Variants in DMBT1 observed in about 807,000 individuals in gnomAD.
DMBT1 encodes deleted in malignant brain tumors 1.
A neutral mutation model predicts 252.9 loss-of-function variants in DMBT1; 198 were observed. That is an observed-to-expected ratio of 0.78 (90% CI 0.70 to 0.88). The LOEUF (loss-of-function observed/expected upper bound fraction) is 0.88. DMBT1 is among the 40% of genes least tolerant of loss of function. The pLI is 0.00. For synonymous variants in DMBT1, 990 were observed against 942.7 expected, an observed-to-expected ratio of 1.05 and a Z score of -0.92; for missense variants, 2,432 against 2,404.7, an observed-to-expected ratio of 1.01 and a Z score of -0.24.
At chr10:122,618,540 C>T (rs547151999) in intron 41 of DMBT1, among the ~76,000 whole-genome samples, 200 bp downstream of exon 41, 28 of 152,278 alleles carry the variant, frequency 1.8e-4, no homozygotes, top group South Asian at 6.2e-4. Context: ...GCCAGGGCTC[C>T]GAACTGAAAC....
At position 122,619,336 on chromosome 10, in the gene DMBT1, A is replaced by G; in HGVS notation, c.5244A>G (p.Pro1748=). The G allele has an allele frequency of 6.2e-7, 1 of 1,614,008 alleles. No individual in the cohort carries two copies. Among genetic ancestry groups the G allele is most frequent in the East Asian group, 2.2e-5 (1 of 44,882 alleles). The change falls in exon 42 of 56, where the codon CCA becomes CCG. Residue 1748 remains proline (P), a splice_region_variant and synonymous_variant. Coordinates refer to ENST00000338354, the MANE Select transcript of DMBT1 (RefSeq NM_001377530.1). ...CTCAGTCCCAGTCAACGCCCAGGCC[A>G]GGTGAGTCCCCAGCATCCTTCATCG... is the stretch of plus-strand genomic sequence containing the variant. The part of the protein sequence containing the change: ...SAAQSQSTPR[P]DTWLTTNLPA...
intron 7 of DMBT1, 137 bp from the exon 8 acceptor site, chr10:122,577,674 G>A: frequency 1.1e-6 from 1 of 904,952 alleles, no homozygotes; most frequent in Non-Finnish European, 1.7e-6. Context: ...GCTTCACGGT[G>A]GGCACTGGCA....
rs1191323142 is a variant in DMBT1 at position 122,600,042 on chromosome 10, CCTT to C, written c.3281-19_3281-17del. ...CTTCTGTGTAATGTTCCTGATCTGA[CCTT>C]CTCTTCTCTTTCTCACAGCTTCCCA... On this transcript the variant is annotated intron_variant, in intron 26 of 55. Coordinates refer to ENST00000338354, the MANE Select transcript of DMBT1 (RefSeq NM_001377530.1). 1 of 1,607,664 alleles carries C rather than the reference CCTT, an allele frequency of 6.2e-7. No individual in the cohort carries two copies. The highest frequency in any genetic ancestry group is 1.7e-5 in the Admixed American group (1 of 58,766).
intron 1 of DMBT1, among the ~76,000 whole-genome samples, chr10:122,563,034 C>T (rs1425413187): frequency 1.3e-5 from 2 of 152,232 alleles, no homozygotes; most frequent in Non-Finnish European, 2.9e-5. Flanking sequence ...ATGAACTGAA[C>T]TGTGGCATCT....
Position 122,592,880 on chromosome 10 carries a change from T to C in DMBT1, c.2500+285T>C, listed in dbSNP as rs970769469. ...AGAGAAAACTGCTGGCTCCCCAGGG[T>C]TCCATTTCTCCTCAGCTGAGTAGCA... On this transcript the variant is annotated intron_variant, in intron 20 of 55. Coordinates refer to ENST00000338354, the MANE Select transcript of DMBT1 (RefSeq NM_001377530.1). 1.0e-4 allele frequency among the ~76,000 whole-genome samples: 15 copies of C among 148,130 alleles called. 1 individual carries two copies. The highest frequency in any genetic ancestry group is 2.9e-4 in the African/African-American group (12 of 41,010).
At chr10:122,580,736 G>A (rs1002328578) in intron 10 of DMBT1, 130 bp from the exon 11 acceptor site, 1 of 1,337,604 alleles carries the variant, frequency 7.5e-7, no homozygotes. Context: ...GCATGGCAAT[G>A]TCCCTCCCTG....
At chr10:122,638,065 C>A (rs1311543538) in intron 54 of DMBT1, among the ~76,000 whole-genome samples, 1 of 152,200 alleles carries the variant, frequency 6.6e-6, no homozygotes, top group Non-Finnish European at 1.5e-5. Flanking sequence ...CCAGGAAACC[C>A]CTCACTCCCA....
intron 43 of DMBT1, among the ~76,000 whole-genome samples, chr10:122,620,654 A>G (rs2098057418): frequency 1.3e-5 from 2 of 152,190 alleles, no homozygotes; most frequent in African/African-American, 4.8e-5. Context: ...CTGTCTGGCC[A>G]ATGTCCTACC....
chr10:122,565,158 T>C (rs1369441492), intron 1 of DMBT1, among the ~76,000 whole-genome samples: 1 of 152,220 alleles, frequency 6.6e-6, no homozygotes, highest in Non-Finnish European at 1.5e-5. Flanking sequence ...TATTTAATAA[T>C]TGATGAATAA....
Position 122,570,273 on chromosome 10 carries a change from T to A in DMBT1, c.139+64T>A. The A allele has an allele frequency of 3.8e-6, 5 of 1,319,866 alleles. No homozygotes were observed. In the Admixed American group the frequency reaches 8.5e-5, roughly 22 times the overall value. The allele number at this position is 1,319,866 out of a possible 1,614,324, so 81.8% of individuals were successfully genotyped here. A position where few individuals can be genotyped will look rare whatever the true frequency, so the allele number is the denominator to read the frequency against. On this transcript the variant is annotated intron_variant, in intron 3 of 55. Transcript: ENST00000338354. ...CCCACTGCACCCCTAGGTTCATCTC[T>A]GATCCAGAAGAGATGCAGAAGCCAT...
rs2098037601 is a variant in DMBT1 at position 122,619,313 on chromosome 10, C to T, written c.5221C>T (p.Gln1741Ter). The change falls in exon 42 of 56, where the codon CAG (glutamine) becomes TAG (stop). Residue 1741 changes from glutamine to a stop codon, truncating the protein, a stop_gained. Coordinates refer to ENST00000338354, the MANE Select transcript of DMBT1 (RefSeq NM_001377530.1). LOFTEE classifies it high-confidence loss of function. ...EDAGVICSAA[Q>*]SQSTPRPDTW... ...TTCTCTTCTCTTTCTCACAGCTGCT[C>T]AGTCCCAGTCAACGCCCAGGCCAGG... 1 of 1,613,982 alleles carries T rather than the reference C, an allele frequency of 6.2e-7. No individual in the cohort carries two copies.
chr10:122,591,550 A>G (rs1340211395), intron 19 of DMBT1, 33 bp downstream of exon 19: 4 of 1,561,784 alleles, frequency 2.6e-6, no homozygotes, highest in Non-Finnish European at 3.5e-6. Flanking sequence ...CCTAGGGCTC[A>G]CTCTCTACCT....
chr10:122,620,425 A>T, intron 43 of DMBT1, 134 bp downstream of exon 43: 2 of 1,034,650 alleles, frequency 1.9e-6, no homozygotes, highest in Non-Finnish European at 1.4e-6. Context: ...GGGGAGGTAG[A>T]CTCCCTGGGA....
At chr10:122,599,331 A>G (rs2097916673) in intron 26 of DMBT1, among the ~76,000 whole-genome samples, 1 of 152,174 alleles carries the variant, frequency 6.6e-6, no homozygotes. Context: ...TCCTGAGGGA[A>G]GGCAAGGAAG....
rs746567266 is a variant in DMBT1, at chr10:122,589,259, T to C, written c.2099T>C (p.Ile700Thr). 1.9e-5 allele frequency: 30 copies of C among 1,588,448 alleles called. 4 individuals are homozygous for C. Among genetic ancestry groups the C allele is most frequent in the Middle Eastern group, 3.3e-4 (2 of 6,044 alleles). Reference protein sequence around the residue: ...NCGHHEDAGVICSAAQSRSTP... With the variant: ...NCGHHEDAGVTCSAAQSRSTP... ...GGCCATCATGAAGATGCTGGTGTCA[T>C]CTGCTCAGGTGGGCCTCCAGCAATT... Residue 700 changes from isoleucine to threonine, a missense_variant, in exon 17 of 56, where the codon ATC becomes ACC. Transcript: ENST00000338354.
chr10:122,592,110 C>A (rs1211275117), intron 19 of DMBT1, among the ~76,000 whole-genome samples, 162 bp from the exon 20 acceptor site: 2 of 148,546 alleles, frequency 1.3e-5, no homozygotes, highest in African/African-American at 4.9e-5. Context: ...TATCACCTCT[C>A]CTTCCAGTAT....
chr10:122,584,963 G>C (rs927908421), intron 14 of DMBT1, among the ~76,000 whole-genome samples: 1 of 149,074 alleles, frequency 6.7e-6, no homozygotes, highest in Non-Finnish European at 1.5e-5. Context: ...AGCTAGTAGA[G>C]TGTCAGCAAT....
chr10:122,564,716 G>A (rs1160041547), intron 1 of DMBT1, among the ~76,000 whole-genome samples: 1 of 151,818 alleles, frequency 6.6e-6, no homozygotes, highest in East Asian at 1.9e-4. Flanking sequence ...GTGTGTAAGA[G>A]TACTGTATTT....
intron 52 of DMBT1, among the ~76,000 whole-genome samples, chr10:122,635,012 ACAT>A (rs1465632364): frequency 2.0e-5 from 3 of 152,224 alleles, no homozygotes; most frequent in African/African-American, 7.2e-5. Context: ...TGCAAAAGAT[ACAT>A]CATTTTATTC....
Sources: gnomAD v4.1 joint callset for allele counts (sites outside exome capture counted in the v4.1 genomes callset) on GRCh38, gnomAD v4.1.1 for gene constraint, MANE v1.5 for transcripts, NCBI Gene and HGNC (gene_info 2026-07-23, HGNC 2026-07-21) for gene names.